CELF2: variants seen among roughly 807,000 people sequenced by gnomAD.
CELF2 encodes CUG triplet repeat RNA-binding protein 2.
A neutral mutation model predicts 62.6 loss-of-function variants in CELF2; 8 were observed. The observed-to-expected ratio is 0.13, with a 90% CI of 0.07 to 0.23. The LOEUF (loss-of-function observed/expected upper bound fraction) is 0.23, where lower values mean the gene tolerates loss of function less well. CELF2 is among the 10% of genes least tolerant of loss of function. The pLI is 1.00. For synonymous variants in CELF2, 258 were observed against 250.0 expected (o/e 1.03, Z -0.30); for missense variants, 333 against 671.0 (o/e 0.50, Z 5.56).
chr10:10,824,537 C>T (rs1353088311), intron 1 of CELF2, among the ~76,000 whole-genome samples: 3 of 152,224 alleles, frequency 2.0e-5, no homozygotes, highest in Non-Finnish European at 2.9e-5. Context: ...CTGAGATTTT[C>T]CCCTTTCCCT....
chr10:10,878,707 G>A (rs1176227195), intron 1 of CELF2, among the ~76,000 whole-genome samples: 1 of 152,184 alleles, frequency 6.6e-6, no homozygotes, highest in African/African-American at 2.4e-5. Context: ...TACTTGTGGA[G>A]GAAAGAGTGT....
intron 1 of CELF2, among the ~76,000 whole-genome samples, chr10:10,859,472 A>G (rs1051394699): frequency 1.8e-4 from 27 of 152,276 alleles, no homozygotes; most frequent in African/African-American, 6.3e-4. Flanking sequence ...AATAGCCACC[A>G]CAGTATGACC....
chr10:11,213,087 C>T (rs978607016), intron 2 of CELF2, among the ~76,000 whole-genome samples: 8 of 149,022 alleles, frequency 5.4e-5, no homozygotes, highest in Admixed American at 2.8e-4. Flanking sequence ...GCCCCCTGGC[C>T]GGTCACCTCT....
At chr10:10,765,303 G>A in the CELF2 span, among the ~76,000 whole-genome samples, 2 of 152,174 alleles carry the variant, frequency 1.3e-5, no homozygotes, top group African/African-American at 4.8e-5. Context: ...AGTAGAAGGC[G>A]CAGGGCACGA....
chr10:10,593,408 T>C, the CELF2 span, among the ~76,000 whole-genome samples: 52 of 152,348 alleles, frequency 3.4e-4, 1 homozygote, highest in East Asian at 0.01. Flanking sequence ...CCTTGGATTC[T>C]TCATATGAAG....
At chr10:10,977,523 T>G (rs1414617068) in intron 2 of CELF2, among the ~76,000 whole-genome samples, 1 of 152,360 alleles carries the variant, frequency 6.6e-6, no homozygotes, top group East Asian at 1.9e-4. Context: ...CTTCTTTGAC[T>G]GTCTTTCCTG....
chr10:11,195,912 G>A (rs1382350531), intron 2 of CELF2, among the ~76,000 whole-genome samples: 1 of 152,048 alleles, frequency 6.6e-6, no homozygotes, highest in Non-Finnish European at 1.5e-5. Context: ...CTTTTTGAGT[G>A]TCTTCATTCA....
rs1369304207 is a variant in CELF2, at chr10:10,947,912, T to C, written c.89+27913T>C. Among the ~76,000 whole-genome samples, 1 of 152,262 alleles carries C rather than the reference T, an allele frequency of 6.6e-6. No homozygotes were observed. The highest frequency in any genetic ancestry group is 2.4e-5 in the African/African-American group (1 of 41,558). ...AGCTTGAGGCAAGAACGTCCAAGCATGGTAGAAAAATCACAAAGAATTGCC... is the reference window on the plus strand; with the variant it reads ...AGCTTGAGGCAAGAACGTCCAAGCACGGTAGAAAAATCACAAAGAATTGCC... On this transcript the variant is annotated intron_variant, in intron 2 of 13. Transcript: ENST00000636488. The surrounding 1 kb of genome is among the most constrained non-coding windows in gnomAD (Gnocchi z 4.1).
At chr10:10,497,756 G>A in the CELF2 span, among the ~76,000 whole-genome samples, 7 of 152,146 alleles carry the variant, frequency 4.6e-5, no homozygotes, top group South Asian at 2.1e-4. Flanking sequence ...AGAAAAGGAC[G>A]ATGAATCAGG....
chr10:11,282,719 G>GT (rs1334020154), intron 8 of CELF2, among the ~76,000 whole-genome samples: 3 of 152,212 alleles, frequency 2.0e-5, no homozygotes, highest in African/African-American at 7.2e-5. Context: ...GTGCAAACAG[G>GT]TAACGAGCTT....
chr10:10,690,529 C>A, the CELF2 span, among the ~76,000 whole-genome samples: 5 of 152,308 alleles, frequency 3.3e-5, no homozygotes, highest in East Asian at 7.7e-4. Flanking sequence ...AGCATCCCAT[C>A]AGTACACAAT....
At chr10:10,550,789 C>A in the CELF2 span, among the ~76,000 whole-genome samples, 2 of 152,068 alleles carry the variant, frequency 1.3e-5, no homozygotes, top group South Asian at 4.1e-4. Context: ...ACCTCCGCCT[C>A]CCGGGTTCAA....
At chr10:10,901,651 A>C (rs542029242) in intron 1 of CELF2, among the ~76,000 whole-genome samples, 13 of 151,560 alleles carry the variant, frequency 8.6e-5, no homozygotes, top group African/African-American at 3.1e-4. Context: ...AAGCTAGTAC[A>C]TTGGACTTCA....
chr10:11,263,196 G>C (rs946568154), intron 5 of CELF2, among the ~76,000 whole-genome samples: 4 of 151,902 alleles, frequency 2.6e-5, no homozygotes, highest in African/African-American at 7.3e-5. Context: ...CAGCAAGAAG[G>C]TAACCTCACT....
rs1257395724 is a variant in CELF2 at position 11,335,068 on chromosome 10, C to T, written c.*6015C>T. Reference sequence around the variant, plus strand: ...GGAGGCAGGGGGAGGTAAAGTTTCTCACACTCAAGTCGTCTTCATAGTTTA... The same window carrying T: ...GGAGGCAGGGGGAGGTAAAGTTTCTTACACTCAAGTCGTCTTCATAGTTTA... On this transcript the variant is annotated 3_prime_UTR_variant, in exon 13 of 13. Transcript: ENST00000633077. The surrounding 1 kb of genome is among the most constrained non-coding windows in gnomAD (Gnocchi z 5.0). 6.6e-6 allele frequency: 1 copy of T among 152,208 alleles called. No individual in the cohort carries two copies. The highest frequency in any genetic ancestry group is 2.4e-5 in the African/African-American group (1 of 41,440). 9.4% of individuals were successfully genotyped at this position (152,208 alleles called of 1,614,324 possible).
intron 1 of CELF2, among the ~76,000 whole-genome samples, chr10:10,917,708 GT>G (rs1208527992): frequency 6.6e-6 from 1 of 152,198 alleles, no homozygotes; most frequent in Non-Finnish European, 1.5e-5. Flanking sequence ...CTGAGGACAT[GT>G]TTGGGAGCTA....
the CELF2 span, among the ~76,000 whole-genome samples, chr10:10,684,524 C>T: frequency 1.3e-4 from 20 of 152,252 alleles, no homozygotes; most frequent in Admixed American, 6.5e-4. Flanking sequence ...GGGTGGATAG[C>T]TTAAGTCCAG....
chr10:10,851,609 CA>C (rs1271207629), intron 1 of CELF2, among the ~76,000 whole-genome samples: 1 of 151,804 alleles, frequency 6.6e-6, no homozygotes, highest in Non-Finnish European at 1.5e-5. Context: ...AAACATCAGA[CA>C]AAAAAATGTG....
At chr10:10,641,589 C>T in the CELF2 span, among the ~76,000 whole-genome samples, 4 of 151,892 alleles carry the variant, frequency 2.6e-5, no homozygotes, top group African/African-American at 4.8e-5. Flanking sequence ...TACAGGAGAC[C>T]GCCACCACAT....
Sources: gnomAD v4.1 joint callset for allele counts (sites outside exome capture counted in the v4.1 genomes callset) on GRCh38, gnomAD v4.1.1 for gene constraint, Gnocchi (gnomAD v3.1) non-coding constraint, MANE v1.5 for transcripts, NCBI Gene and HGNC (gene_info 2026-07-23, HGNC 2026-07-21) for gene names.